The following NEGR1 variants were observed in gnomAD, a reference collection of about 807,000 sequenced individuals.
NEGR1 encodes the protein IgLON family member 4.
NEGR1 carries 10 observed loss-of-function variants against 40.9 expected under a neutral mutation model. That is an observed-to-expected ratio of 0.24 (90% CI 0.15 to 0.42). NEGR1 has a LOEUF of 0.42. Among genes scored for constraint, NEGR1 ranks in the 10% least tolerant of loss-of-function variants. The pLI is 1.00. For synonymous variants in NEGR1, 185 were observed against 166.8 expected, an observed-to-expected ratio of 1.11 and a Z score of -0.84; for missense variants, 352 against 438.9, an observed-to-expected ratio of 0.80 and a Z score of 1.77.
At chr1:71,662,933 TA>T (rs201682324) in intron 4 of NEGR1, among the ~76,000 whole-genome samples, 3,747 of 151,944 alleles carry the variant, frequency 0.025, 97 homozygotes, top group Admixed American at 0.07. Flanking sequence ...TAATTACTTC[TA>T]CCAGTTTTGT....
chr1:72,205,458 C>T (rs1653358749), intron 1 of NEGR1, among the ~76,000 whole-genome samples: 1 of 151,370 alleles, frequency 6.6e-6, no homozygotes, highest in South Asian at 2.1e-4. Flanking sequence ...ACTGCATATT[C>T]AAGCCTACCT....
At chr1:72,247,956 G>A (rs72941292) in intron 1 of NEGR1, among the ~76,000 whole-genome samples, 57 of 152,186 alleles carry the variant, frequency 3.7e-4, no homozygotes, top group African/African-American at 1.3e-3. Flanking sequence ...CATGGTGGAA[G>A]GCAAAAAGTA....
chr1:71,835,615 T>C (rs922633091), intron 2 of NEGR1, among the ~76,000 whole-genome samples: 27 of 152,226 alleles, frequency 1.8e-4, no homozygotes, highest in African/African-American at 5.8e-4. Flanking sequence ...CCCCAACCTA[T>C]GTATATCAAG....
chr1:71,692,646 C>T (rs1459431912), intron 4 of NEGR1, among the ~76,000 whole-genome samples: 1 of 151,804 alleles, frequency 6.6e-6, no homozygotes, highest in East Asian at 1.9e-4. Context: ...CTCTTACTCC[C>T]CAGTGGCTTC....
chr1:71,657,110 CAA>C (rs1316518938), intron 4 of NEGR1, among the ~76,000 whole-genome samples: 3 of 152,160 alleles, frequency 2.0e-5, no homozygotes, highest in Non-Finnish European at 4.4e-5. Flanking sequence ...CAGCAGTCCA[CAA>C]AGAATGTCTT....
At chr1:71,964,021 G>A (rs1174920156) in intron 1 of NEGR1, among the ~76,000 whole-genome samples, 1 of 152,062 alleles carries the variant, frequency 6.6e-6, no homozygotes, top group Non-Finnish European at 1.5e-5. Context: ...TGTTCTTTCT[G>A]TCCTCAAAAT....
chr1:71,542,556 G>A (rs760131160), intron 6 of NEGR1, among the ~76,000 whole-genome samples: 2 of 151,658 alleles, frequency 1.3e-5, no homozygotes, highest in Admixed American at 1.3e-4. Context: ...GGAAAATGAG[G>A]GCCCAGCAGA....
At chr1:71,990,897 C>T (rs977767199) in intron 1 of NEGR1, among the ~76,000 whole-genome samples, 1 of 142,648 alleles carries the variant, frequency 7.0e-6, no homozygotes, top group African/African-American at 2.6e-5. Context: ...TATCTGTAGG[C>T]ATATACATAT....
rs140596194 is a variant in NEGR1 at position 71,860,997 on chromosome 1, C to T, written c.409+74082G>A. On this transcript the variant is annotated intron_variant, in intron 2 of 6. Coordinates refer to ENST00000357731, the MANE Select transcript of NEGR1 (RefSeq NM_173808.3). ...GAGATGACAATTACTAGTTTGCTAA[C>T]GATTAAAAGCTAAGAAGTTACTCTC... Among the ~76,000 whole-genome samples, 13 of 152,104 alleles carry T rather than the reference C, an allele frequency of 8.5e-5. No homozygotes were observed. The East Asian group carries it at 1.2e-3, about 14-fold the overall frequency.
At chr1:72,206,180 A>G (rs976316485) in intron 1 of NEGR1, among the ~76,000 whole-genome samples, 2 of 151,964 alleles carry the variant, frequency 1.3e-5, no homozygotes, top group African/African-American at 4.8e-5. Context: ...ATTATTTGGA[A>G]GAGGAAGGTC....
At chr1:71,970,793 G>A (rs536197258) in intron 1 of NEGR1, among the ~76,000 whole-genome samples, 8 of 152,284 alleles carry the variant, frequency 5.3e-5, no homozygotes, top group Middle Eastern at 6.8e-3. Flanking sequence ...GGTTGGAATG[G>A]TTATTAAATG....
intron 2 of NEGR1, among the ~76,000 whole-genome samples, chr1:71,864,789 G>A (rs1209277691): frequency 3.3e-5 from 5 of 152,050 alleles, no homozygotes; most frequent in African/African-American, 1.2e-4. Flanking sequence ...AATTAAAGCA[G>A]AAAAGTTCTC....
At chr1:71,818,431 A>G (rs1658307673) in intron 2 of NEGR1, among the ~76,000 whole-genome samples, 1 of 152,080 alleles carries the variant, frequency 6.6e-6, no homozygotes, top group African/African-American at 2.4e-5. Context: ...TAATGCAGGA[A>G]CAGAAAACCA....
chr1:71,815,382 G>A (rs142510526), intron 2 of NEGR1, among the ~76,000 whole-genome samples: 34 of 152,194 alleles, frequency 2.2e-4, no homozygotes, highest in African/African-American at 8.2e-4. Flanking sequence ...CGTATATTCT[G>A]TTGTTTTTGG....
chr1:71,779,373 A>G (rs1656621181), intron 2 of NEGR1, among the ~76,000 whole-genome samples: 2 of 152,176 alleles, frequency 1.3e-5, no homozygotes, highest in Admixed American at 6.5e-5. Flanking sequence ...CGGATAGGTA[A>G]GTAACTAAGA....
chr1:71,947,369 T>C (rs2052722), intron 1 of NEGR1, among the ~76,000 whole-genome samples: 83,786 of 151,578 alleles, frequency 0.55, 24,787 homozygotes, highest in African/African-American at 0.75. Flanking sequence ...CGTGAGAAAA[T>C]CTGTTTTCAT....
intron 1 of NEGR1, among the ~76,000 whole-genome samples, chr1:72,244,667 T>C (rs562161021): frequency 9.2e-5 from 14 of 152,014 alleles, no homozygotes; most frequent in Non-Finnish European, 1.5e-4. Flanking sequence ...GGGGGACATA[T>C]AGAGTTAGAG....
intron 2 of NEGR1, among the ~76,000 whole-genome samples, chr1:71,828,397 G>A (rs1658718513): frequency 6.6e-6 from 1 of 151,956 alleles, no homozygotes; most frequent in Admixed American, 6.6e-5. Flanking sequence ...ATATAATAAA[G>A]AGAAAATAGC....
intron 2 of NEGR1, among the ~76,000 whole-genome samples, chr1:71,804,286 A>G (rs1657672470): frequency 6.6e-6 from 1 of 152,202 alleles, no homozygotes; most frequent in Non-Finnish European, 1.5e-5. Flanking sequence ...TTCCCAACTA[A>G]TGTGAATGTT....
Sources: gnomAD v4.1 joint callset for allele counts (sites outside exome capture counted in the v4.1 genomes callset) on GRCh38, gnomAD v4.1.1 for gene constraint, MANE v1.5 for transcripts, NCBI Gene and HGNC (gene_info 2026-07-23, HGNC 2026-07-21) for gene names.